FOXP2: variants seen among roughly 807,000 people sequenced by gnomAD.
The protein encoded by FOXP2 is forkhead box protein P2.
Under a neutral mutation model 115.8 loss-of-function variants are expected in FOXP2, and 12 were observed. That is an observed-to-expected ratio of 0.10 (90% confidence interval 0.07 to 0.17). The LOEUF (loss-of-function observed/expected upper bound fraction) is 0.17. Ranked by LOEUF, FOXP2 falls within the 10% of genes least tolerant of loss-of-function variation. The pLI is 1.00. For missense variants in FOXP2, 629 were observed against 843.5 expected, an observed-to-expected ratio of 0.75 and a Z score of 3.15; for synonymous variants, 328 against 297.7, an observed-to-expected ratio of 1.10 and a Z score of -1.05.
chr7:114,662,212 C>T (rs754171687), intron 14 of FOXP2, 26 bp downstream of exon 14: 12 of 1,611,364 alleles, frequency 7.4e-6, no homozygotes, highest in Non-Finnish European at 1.0e-5. Context: ...TTTTGTAATC[C>T]TGTATCCTGC....
chr7:114,663,402 G>T, intron 14 of FOXP2, 48 bp from the exon 15 acceptor site: 1 of 1,344,268 alleles, frequency 7.4e-7, no homozygotes. Flanking sequence ...TGATATCCAC[G>T]TTTTATATTT....
At chr7:114,500,827 C>A (rs1035761803) in intron 2 of FOXP2, among the ~76,000 whole-genome samples, 1 of 152,090 alleles carries the variant, frequency 6.6e-6, no homozygotes, top group African/African-American at 2.4e-5. Context: ...GCAATTAATG[C>A]AAAGATGTTT....
At chr7:114,445,608 G>A (rs973745654) in intron 2 of FOXP2, among the ~76,000 whole-genome samples, 9 of 152,056 alleles carry the variant, frequency 5.9e-5, no homozygotes, top group Non-Finnish European at 1.2e-4. Flanking sequence ...TATGTACATG[G>A]TCTTCTAAAA....
At chr7:114,531,448 C>G (rs1562980238) in intron 2 of FOXP2, among the ~76,000 whole-genome samples, 2 of 151,696 alleles carry the variant, frequency 1.3e-5, no homozygotes, top group African/African-American at 4.8e-5. Context: ...GCTCAGAGAC[C>G]TGAGCAATTG....
At chr7:114,289,350 T>A (rs777023459) in intron 2 of FOXP2, among the ~76,000 whole-genome samples, 11 of 151,876 alleles carry the variant, frequency 7.2e-5, no homozygotes, top group Non-Finnish European at 1.5e-4. Context: ...CTGGAAAAAG[T>A]TATGTAGCTT....
At chr7:114,385,402 G>A (rs1158430192) in intron 2 of FOXP2, among the ~76,000 whole-genome samples, 5 of 152,194 alleles carry the variant, frequency 3.3e-5, no homozygotes, top group Non-Finnish European at 4.4e-5. Context: ...AGAAGGAAAG[G>A]TAGGGGCGCA....
In FOXP2 at chr7:114,520,412, AAGACTT is replaced by A. The variant is rs549347202; in HGVS notation, c.169-14203_169-14198del. 8.6e-3 allele frequency among the ~76,000 whole-genome samples: 1,312 copies of A among 152,238 alleles called. 8 individuals carry two copies. The highest frequency in any genetic ancestry group is 0.012 in the Non-Finnish European group (841 of 67,974). ...GTATGTAACATAATGAAAAAACAAA[AAGACTT>A]AAAAGCAACACTATCAGGTAATTTT... On this transcript the variant is annotated intron_variant, in intron 2 of 16. Coordinates refer to ENST00000350908, the MANE Select transcript of FOXP2 (RefSeq NM_014491.4).
Position 114,611,445 on chromosome 7 carries a change from C to T in FOXP2, c.259-17095C>T, listed in dbSNP as rs183241243. 5.8e-3 allele frequency among the ~76,000 whole-genome samples: 883 copies of T among 152,038 alleles called. 7 individuals carry two copies. Among genetic ancestry groups the T allele is most frequent in the African/African-American group, 0.02 (819 of 41,482 alleles). The stretch of plus-strand genomic sequence containing the variant: ...AACATTTCTTCATTAATTTATTTTT[C>T]AAAAAAATTTTTTGAGTATGTATTT... On this transcript the variant is annotated intron_variant, in intron 3 of 16. Coordinates refer to ENST00000350908, the MANE Select transcript of FOXP2 (RefSeq NM_014491.4).
At chr7:114,147,144 T>C (rs1334822170) in intron 1 of FOXP2, among the ~76,000 whole-genome samples, 1 of 152,216 alleles carries the variant, frequency 6.6e-6, no homozygotes, top group African/African-American at 2.4e-5. Flanking sequence ...TACTTGTTAA[T>C]TTATTCTTGG....
chr7:114,569,380 T>G (rs1801180647), intron 3 of FOXP2, among the ~76,000 whole-genome samples: 1 of 151,926 alleles, frequency 6.6e-6, no homozygotes, highest in Non-Finnish European at 1.5e-5. Context: ...TCCTCTTAGC[T>G]AATTAGTGCT....
chr7:114,435,040 G>A (rs1438603963), intron 2 of FOXP2, among the ~76,000 whole-genome samples: 1 of 152,102 alleles, frequency 6.6e-6, no homozygotes, highest in East Asian at 1.9e-4. Context: ...CTCTCATAAT[G>A]CTTCCATAAC....
At chr7:114,481,248 G>T (rs969556803) in intron 2 of FOXP2, among the ~76,000 whole-genome samples, 1 of 150,832 alleles carries the variant, frequency 6.6e-6, no homozygotes, top group African/African-American at 2.4e-5. Flanking sequence ...GCCCCCTCAT[G>T]TACATATTTT....
intron 2 of FOXP2, among the ~76,000 whole-genome samples, chr7:114,400,881 A>T (rs1295425390): frequency 1.3e-5 from 2 of 152,016 alleles, no homozygotes; most frequent in African/African-American, 2.4e-5. Context: ...GCAGTAGGGG[A>T]GCAAGATTGG....
chr7:114,392,182 G>GAAGAGGATTTTGGCC (rs1162167501), intron 2 of FOXP2, among the ~76,000 whole-genome samples: 1 of 152,170 alleles, frequency 6.6e-6, no homozygotes, highest in Non-Finnish European at 1.5e-5. Flanking sequence ...ATATAATGGA[G>GAAGAGGATTTTGGCC]AAGAGGATTT....
intron 2 of FOXP2, among the ~76,000 whole-genome samples, chr7:114,369,807 T>A (rs1052563646): frequency 5.9e-5 from 9 of 152,170 alleles, no homozygotes; most frequent in Non-Finnish European, 1.0e-4. Flanking sequence ...TTTTATTATA[T>A]GCTTAATCGA....
chr7:114,349,647 CA>C (rs1444988055), intron 2 of FOXP2, among the ~76,000 whole-genome samples: 1 of 144,918 alleles, frequency 6.9e-6, no homozygotes, highest in East Asian at 2.0e-4. Flanking sequence ...ATTTACTTCA[CA>C]AAAAACACAG....
chr7:114,310,208 T>C (rs1701774176), intron 2 of FOXP2, among the ~76,000 whole-genome samples: 1 of 152,218 alleles, frequency 6.6e-6, no homozygotes, highest in Non-Finnish European at 1.5e-5. Context: ...AGGGAAAGTC[T>C]ATAAACTGAG....
chr7:114,652,433 T>A, intron 9 of FOXP2, 143 bp downstream of exon 9: 1 of 739,642 alleles, frequency 1.4e-6, no homozygotes, highest in Non-Finnish European at 2.4e-6. Context: ...TTTTAGATTG[T>A]TTTAAACAGT....
At chr7:114,174,951 T>C (rs987795907) in intron 1 of FOXP2, among the ~76,000 whole-genome samples, 1 of 152,082 alleles carries the variant, frequency 6.6e-6, no homozygotes, top group African/African-American at 2.4e-5. Flanking sequence ...TGCCTAAATA[T>C]CTTATCTGAA....
Sources: allele counts gnomAD v4.1 joint callset (sites outside exome capture counted in the v4.1 genomes callset), GRCh38; gene constraint gnomAD v4.1.1; transcripts MANE v1.5; gene names NCBI Gene and HGNC (gene_info 2026-07-23, HGNC 2026-07-21).